KCNK12: variants seen among roughly 807,000 people sequenced by gnomAD.
The protein encoded by KCNK12 is potassium two pore domain channel subfamily K member 12.
A neutral mutation model predicts 25.3 loss-of-function variants in KCNK12; 6 were observed. The ratio of observed to expected loss-of-function variants is 0.24; its 90% CI spans 0.13 to 0.47. The LOEUF (loss-of-function observed/expected upper bound fraction) is 0.47. KCNK12 is among the 20% of genes least tolerant of loss of function. The pLI, the probability that KCNK12 is intolerant of heterozygous loss-of-function variation, is 0.99. For synonymous variants in KCNK12, 331 were observed against 311.1 expected (o/e 1.06, Z -0.67); for missense variants, 444 against 661.7 (o/e 0.67, Z 3.61).
Position 47,570,357 on chromosome 2 carries a change from G to A in KCNK12, c.-26C>T, listed in dbSNP as rs1006154967. 78 of 1,224,180 alleles carry A rather than the reference G, an allele frequency of 6.4e-5. No individual in the cohort carries two copies. The highest frequency in any genetic ancestry group is 7.8e-5 in the Non-Finnish European group (77 of 984,348). The allele number at this position is 1,224,180 out of a possible 1,614,324, so 75.8% of individuals were successfully genotyped here. On this transcript the variant is annotated 5_prime_UTR_variant, in exon 1 of 2. Coordinates refer to ENST00000327876, the MANE Select transcript of KCNK12 (RefSeq NM_022055.2). ...GGTCCGGAGCTCAGCCCCGGGGCCGGGGCGGCGCTCGGGGCCCGGGCCACG... is the reference window on the plus strand; with the variant it reads ...GGTCCGGAGCTCAGCCCCGGGGCCGAGGCGGCGCTCGGGGCCCGGGCCACG...
In KCNK12 at chr2:47,520,892, G is replaced by A; in HGVS notation, c.*15C>T. The A allele has an allele frequency of 2.4e-6, 3 of 1,240,788 alleles. No homozygotes were observed. The highest frequency in any genetic ancestry group is 3.0e-6 in the Non-Finnish European group (3 of 992,090). The allele number at this position is 1,240,788 out of a possible 1,614,324, so 76.9% of individuals were successfully genotyped here. A position where few individuals can be genotyped will look rare whatever the true frequency, so the allele number is the denominator to read the frequency against. On this transcript the variant is annotated 3_prime_UTR_variant, in exon 2 of 2. Coordinates refer to ENST00000327876, the MANE Select transcript of KCNK12 (RefSeq NM_022055.2). This position sits in a 1 kb window ranked among gnomAD's most constrained non-coding sequence, Gnocchi z 5.0. ...GCGGCCTGGAGAGGGTCCCCGGCGC[G>A]GGCGGACGGGCGGTCTACCTGGAGG... is the stretch of plus-strand genomic sequence containing the variant.
At position 47,515,778 on chromosome 2, in the gene KCNK12, T is replaced by C. The variant is rs972568400; in HGVS notation, c.*5129A>G. On this transcript the variant is annotated 3_prime_UTR_variant, in exon 2 of 2. Coordinates refer to ENST00000327876, the MANE Select transcript of KCNK12 (RefSeq NM_022055.2). ...GAGAAGGCCTCAGTAGAGTTTGCAC[T>C]ATTATTAGGGCAAGTAAGCTGCTTC... Among the ~76,000 whole-genome samples the C allele has an allele frequency of 2.6e-5, 4 of 152,112 alleles. No individual in the cohort carries two copies. Among genetic ancestry groups the C allele is most frequent in the African/African-American group, 7.2e-5 (3 of 41,420 alleles).
chr2:47,568,662 G>T (rs1433957166), intron 1 of KCNK12, among the ~76,000 whole-genome samples: 1 of 152,220 alleles, frequency 6.6e-6, no homozygotes, highest in African/African-American at 2.4e-5. Context: ...GGCAGTTACA[G>T]TCCATGCCTC....
Position 47,555,973 on chromosome 2 carries a change from G to A in KCNK12, c.391+13968C>T, listed in dbSNP as rs1669542027. On this transcript the variant is annotated intron_variant, in intron 1 of 1. Coordinates refer to ENST00000327876, the MANE Select transcript of KCNK12 (RefSeq NM_022055.2). This position sits in a 1 kb window ranked among gnomAD's most constrained non-coding sequence, Gnocchi z 4.5. ...GGCAAGTCATCACTGGATTTTTTTA[G>A]GAAGGGGGCCACTAGGGACCTTACA... The A allele has an allele frequency of 6.6e-6, 1 of 152,206 alleles. No individual in the cohort carries two copies. Among genetic ancestry groups the A allele is most frequent in the South Asian group, 2.1e-4 (1 of 4,826 alleles). 9.4% of individuals were successfully genotyped at this position (152,206 alleles called of 1,614,324 possible). A position where few individuals can be genotyped will look rare whatever the true frequency, so the allele number is the denominator to read the frequency against.
In KCNK12 at chr2:47,547,885, G is replaced by A. The variant is rs941066225; in HGVS notation, c.391+22056C>T. The stretch of plus-strand genomic sequence containing the variant: ...ATTAGAGTTGATATGGTTTGGATTT[G>A]TGTCCCTGCCCAAATCTCATGTTGA... On this transcript the variant is annotated intron_variant, in intron 1 of 1. Transcript: ENST00000327876. The surrounding 1 kb of genome is among the most constrained non-coding windows in gnomAD (Gnocchi z 5.0). 6.6e-6 allele frequency among the ~76,000 whole-genome samples: 1 copy of A among 152,182 alleles called. No homozygotes were observed. Among genetic ancestry groups the A allele is most frequent in the Non-Finnish European group, 1.5e-5 (1 of 68,036 alleles).
intron 1 of KCNK12, among the ~76,000 whole-genome samples, chr2:47,535,449 C>T (rs1396523602): frequency 6.6e-6 from 1 of 152,142 alleles, no homozygotes; most frequent in Admixed American, 6.5e-5. Flanking sequence ...CACCCCTCCT[C>T]TAATGGGGGC....
Position 47,569,894 on chromosome 2 carries a change from G to A in KCNK12, c.391+47C>T. 1 of 1,297,740 alleles carries A rather than the reference G, an allele frequency of 7.7e-7. No individual in the cohort carries two copies. Among genetic ancestry groups the A allele is most frequent in the African/African-American group, 1.5e-5 (1 of 64,586 alleles). The allele number at this position is 1,297,740 out of a possible 1,614,324, so 80.4% of individuals were successfully genotyped here. ...CGGCCGAGCAGTGGAAAGGGCGGCA[G>A]GTGAAAGGCACAGAGAGGAAAGATG... On this transcript the variant is annotated intron_variant, in intron 1 of 1. Coordinates refer to ENST00000327876, the MANE Select transcript of KCNK12 (RefSeq NM_022055.2). This position sits in a 1 kb window ranked among gnomAD's most constrained non-coding sequence, Gnocchi z 4.1.
intron 1 of KCNK12, among the ~76,000 whole-genome samples, chr2:47,550,537 C>T (rs1255722626): frequency 6.6e-6 from 1 of 151,838 alleles, no homozygotes; most frequent in Non-Finnish European, 1.5e-5. Flanking sequence ...CGTGTCCCAC[C>T]ATGCCCGGCT....
chr2:47,521,870 GGT>G, intron 1 of KCNK12, 62 bp from the exon 2 acceptor site: 2 of 1,413,350 alleles, frequency 1.4e-6, no homozygotes, highest in South Asian at 1.5e-5. Context: ...ACTGGGCGAG[GGT>G]GGGGGGTGTG....
At position 47,516,851 on chromosome 2, in the gene KCNK12, T is replaced by C. The variant is rs1359449040; in HGVS notation, c.*4056A>G. The C allele has an allele frequency of 6.6e-6, 1 of 152,140 alleles. No homozygotes were observed. Among genetic ancestry groups the C allele is most frequent in the African/African-American group, 2.4e-5 (1 of 41,414 alleles). 9.4% of individuals were successfully genotyped at this position (152,140 alleles called of 1,614,324 possible). A position where few individuals can be genotyped will look rare whatever the true frequency, so the allele number is the denominator to read the frequency against. On this transcript the variant is annotated 3_prime_UTR_variant, in exon 2 of 2. Transcript: ENST00000327876. ...GAGACTAGCGTGGAAGGTGTAGCAA[T>C]TGTGCTCTGGGGTGCCTGAAAGTGC...
intron 1 of KCNK12, among the ~76,000 whole-genome samples, chr2:47,535,688 C>T (rs1234838559): frequency 6.6e-6 from 1 of 152,140 alleles, no homozygotes; most frequent in African/African-American, 2.4e-5. Context: ...GAAACCAAGG[C>T]TCAGAGAAGT....
At chr2:47,543,248 A>G (rs2104821416) in intron 1 of KCNK12, 1 of 151,648 alleles carries the variant, frequency 6.6e-6, no homozygotes, top group Non-Finnish European at 1.5e-5. Context: ...CAACAAGCAC[A>G]GACACCTACA....
Position 47,509,333 on chromosome 2 carries a change from G to T in KCNK12, c.*11574C>A, listed in dbSNP as rs1005303531. ...AGTTTTATTGCCAAACAGGAAACCTGATTCAGGCCAGGGTCTTGGAAGGTT... is the reference window on the plus strand; with the variant it reads ...AGTTTTATTGCCAAACAGGAAACCTTATTCAGGCCAGGGTCTTGGAAGGTT... On this transcript the variant is annotated 3_prime_UTR_variant, in exon 2 of 2. Coordinates refer to ENST00000327876, the MANE Select transcript of KCNK12 (RefSeq NM_022055.2). 4.6e-5 allele frequency among the ~76,000 whole-genome samples: 7 copies of T among 152,250 alleles called. No homozygotes were observed. Among genetic ancestry groups the T allele is most frequent in the Non-Finnish European group, 1.0e-4 (7 of 68,054 alleles).
At position 47,532,898 on chromosome 2, in the gene KCNK12, C is replaced by T. The variant is rs183107600; in HGVS notation, c.392-11090G>A. Among the ~76,000 whole-genome samples the T allele has an allele frequency of 1.6e-3, 241 of 152,336 alleles. 1 individual carries two copies. The highest frequency in any genetic ancestry group is 2.8e-3 in the African/African-American group (115 of 41,572). Reference sequence around the variant, plus strand: ...CTGAGAGCAGAACTAGGAACAGGGACGGTGGTTTCAGGCTCTGGCGCCTCC... The same window carrying T: ...CTGAGAGCAGAACTAGGAACAGGGATGGTGGTTTCAGGCTCTGGCGCCTCC... On this transcript the variant is annotated intron_variant, in intron 1 of 1. Coordinates refer to ENST00000327876, the MANE Select transcript of KCNK12 (RefSeq NM_022055.2).
rs1315267620 is a variant in KCNK12 at position 47,565,213 on chromosome 2, C to T, written c.391+4728G>A. ...GAGAAATACGCAAGGAAGGATGCGC[C>T]TCTCCTTCTGGATAATGTGTTTCAT... On this transcript the variant is annotated intron_variant, in intron 1 of 1. Coordinates refer to ENST00000327876, the MANE Select transcript of KCNK12 (RefSeq NM_022055.2). This position sits in a 1 kb window ranked among gnomAD's most constrained non-coding sequence, Gnocchi z 5.0. The T allele has an allele frequency of 6.6e-6, 1 of 152,126 alleles. No individual in the cohort carries two copies. Among genetic ancestry groups the T allele is most frequent in the Non-Finnish European group, 1.5e-5 (1 of 68,032 alleles). 9.4% of individuals were successfully genotyped at this position (152,126 alleles called of 1,614,324 possible).
At chr2:47,524,941 A>C (rs916312299) in intron 1 of KCNK12, among the ~76,000 whole-genome samples, 4 of 152,062 alleles carry the variant, frequency 2.6e-5, no homozygotes, top group Non-Finnish European at 4.4e-5. Flanking sequence ...CACTGCATCT[A>C]CTCACTGAGG....
In KCNK12 at chr2:47,520,760, G is replaced by A; in HGVS notation, c.*147C>T. 1 of 517,916 alleles carries A rather than the reference G, an allele frequency of 1.9e-6. No individual in the cohort carries two copies. The highest frequency in any genetic ancestry group is 3.0e-6 in the Non-Finnish European group (1 of 336,148). 32.1% of individuals were successfully genotyped at this position (517,916 alleles called of 1,614,324 possible). A position where few individuals can be genotyped will look rare whatever the true frequency, so the allele number is the denominator to read the frequency against. ...CCTGCCCTTGATAACATCAGGCCTG[G>A]CCAAATAGTATTTCTTTAAAAAAAT... On this transcript the variant is annotated 3_prime_UTR_variant, in exon 2 of 2. Coordinates refer to ENST00000327876, the MANE Select transcript of KCNK12 (RefSeq NM_022055.2). This position sits in a 1 kb window ranked among gnomAD's most constrained non-coding sequence, Gnocchi z 5.0.
rs772763752 is a variant in KCNK12, at chr2:47,570,250, G to GGCA, written c.79_81dup (p.Cys27dup). 3.5e-6 allele frequency: 5 copies of GGCA among 1,447,406 alleles called. No homozygotes were observed. Among genetic ancestry groups the GGCA allele is most frequent in the Non-Finnish European group, 4.5e-6 (5 of 1,100,040 alleles). The allele number at this position is 1,447,406 out of a possible 1,614,324, so 89.7% of individuals were successfully genotyped here. On this transcript the variant is annotated inframe_insertion, in exon 1 of 2. Transcript: ENST00000327876. ...GTGTCCTCGTTGAGGTGCGAACGGCGGCAGCAGCAGCAGCAGCAGGAGGGG... is the reference window on the plus strand; with the variant it reads ...GTGTCCTCGTTGAGGTGCGAACGGCGGCAGCAGCAGCAGCAGCAGCAGGAGGGG...
intron 1 of KCNK12, among the ~76,000 whole-genome samples, chr2:47,550,378 CTTT>C (rs746872422): frequency 2.9e-5 from 3 of 103,178 alleles, no homozygotes; most frequent in African/African-American, 9.0e-5. Flanking sequence ...TATTCACAGA[CTTT>C]TTTTTTTTTT....
Sources: allele counts gnomAD v4.1 joint callset (sites outside exome capture counted in the v4.1 genomes callset), GRCh38; gene constraint gnomAD v4.1.1; non-coding constraint Gnocchi (gnomAD v3.1); transcripts MANE v1.5; gene names NCBI Gene and HGNC (gene_info 2026-07-23, HGNC 2026-07-21).